CYBA: variants seen among roughly 807,000 people sequenced by gnomAD.
CYBA encodes cytochrome b-245 alpha chain.
A neutral mutation model predicts 20.8 loss-of-function variants in CYBA; 21 were observed. That is an observed-to-expected ratio of 1.01 (90% confidence interval 0.72 to 1.46). CYBA has a LOEUF of 1.46. CYBA is among the 40% of genes most tolerant of loss of function. The pLI is 0.00. For synonymous variants in CYBA, 164 were observed against 127.5 expected (o/e 1.29, Z -1.93); for missense variants, 344 against 287.0 (o/e 1.20, Z -1.43).
intron 1 of CYBA, among the ~76,000 whole-genome samples, chr16:88,649,148 A>G (rs556294117): frequency 3.4e-4 from 51 of 151,196 alleles, no homozygotes; most frequent in African/African-American, 8.0e-4. Flanking sequence ...TGTGTTAGCC[A>G]GGATGGTCTC....
chr16:88,646,074 G>A (rs1239732546), intron 5 of CYBA, 42 bp downstream of exon 5: 4 of 1,496,954 alleles, frequency 2.7e-6, no homozygotes, highest in African/African-American at 1.4e-5. Context: ...CAGGGGCTGG[G>A]GATGGGGGTG....
Position 88,646,739 on chromosome 16 carries a change from C to CG in CYBA, c.287+15dup. On this transcript the variant is annotated intron_variant, in intron 4 of 5. Transcript: ENST00000261623. Reference sequence around the variant, plus strand: ...GCCCTCCTGAGCCCTAGAGGGGGTGCGGGACGGGGACTCACAGGAGATGCA... The same window carrying CG: ...GCCCTCCTGAGCCCTAGAGGGGGTGCGGGGACGGGGACTCACAGGAGATGCA... The CG allele has an allele frequency of 6.2e-7, 1 of 1,609,438 alleles. No homozygotes were observed. The highest frequency in any genetic ancestry group is 8.5e-7 in the Non-Finnish European group (1 of 1,176,196).
At chr16:88,645,315 A>G (rs1433564327) in intron 5 of CYBA, 1 of 702,436 alleles carries the variant, frequency 1.4e-6, no homozygotes, top group Admixed American at 2.0e-5. Context: ...ACAGAACTCC[A>G]CTTCCATACG....
At chr16:88,646,271 G>C in intron 4 of CYBA, 74 bp from the exon 5 acceptor site, 2 of 595,210 alleles carry the variant, frequency 3.4e-6, no homozygotes, top group Non-Finnish European at 4.3e-6. Flanking sequence ...AGGTCTGGGG[G>C]CCAAGGCCAC....
chr16:88,645,008 T>C, intron 5 of CYBA: 2 of 614,826 alleles, frequency 3.3e-6, no homozygotes, highest in Non-Finnish European at 5.8e-6. Context: ...GAAAGCCTAG[T>C]GCATGGTGGG....
rs1466430673 is a variant in CYBA at position 88,643,610 on chromosome 16, C to T, written c.370-39G>A. 2.0e-6 allele frequency: 3 copies of T among 1,498,636 alleles called. No individual in the cohort carries two copies. Among genetic ancestry groups the T allele is most frequent in the South Asian group, 1.2e-5 (1 of 83,146 alleles). The allele number at this position is 1,498,636 out of a possible 1,614,324, so 92.8% of individuals were successfully genotyped here. On this transcript the variant is annotated intron_variant, in intron 5 of 5. Transcript: ENST00000261623. This position sits in a 1 kb window ranked among gnomAD's most constrained non-coding sequence, Gnocchi z 4.3. ...AAGGGTTGAGCCGCGCCCCAGCGCC[C>T]GCCCTCCCTCCCTCCCTCCCTCCCC... is the stretch of plus-strand genomic sequence containing the variant.
Position 88,643,444 on chromosome 16 carries a change from T to A in CYBA, c.497A>T (p.Lys166Met). Reference protein sequence around the residue: ...PPRPPAEARKKPSEEEAAVAA... With the variant: ...PPRPPAEARKMPSEEEAAVAA... ...CACCGCAGCCTCCTCCTCGCTGGGC[T>A]TCTTGCGGGCCTCGGCCGGGGGCCG... The change falls in exon 6 of 6, where the codon AAG (lysine) becomes ATG (methionine). Residue 166 changes from lysine to methionine, a missense_variant. Physicochemically the swap from Lys to Met is moderately conservative, Grantham distance 95 (BLOSUM62 -1). Coordinates refer to ENST00000261623, the MANE Select transcript of CYBA (RefSeq NM_000101.4). This position sits in a 1 kb window ranked among gnomAD's most constrained non-coding sequence, Gnocchi z 4.3. 1 of 1,534,854 alleles carries A rather than the reference T, an allele frequency of 6.5e-7. No homozygotes were observed.
intron 5 of CYBA, among the ~76,000 whole-genome samples, chr16:88,644,114 G>A (rs1018049685): frequency 1.8e-4 from 28 of 152,226 alleles, no homozygotes; most frequent in Admixed American, 9.2e-4. Flanking sequence ...CATGCCCGGA[G>A]GTTCCACTGC....
rs369139563 is a variant in CYBA at position 88,645,863 on chromosome 16, T to G, written c.369+253A>C. ...TTTGTCTGTAAAGTGGGGACCCCAG[T>G]ACCCCTCCCAGGGCTGTGGTGCGGG... On this transcript the variant is annotated intron_variant, in intron 5 of 5. Coordinates refer to ENST00000261623, the MANE Select transcript of CYBA (RefSeq NM_000101.4). The G allele has an allele frequency of 2.2e-4, 125 of 579,068 alleles. 1 individual carries two copies. Among genetic ancestry groups the G allele is most frequent in the African/African-American group, 2.1e-3 (114 of 53,612 alleles). 35.9% of individuals were successfully genotyped at this position (579,068 alleles called of 1,614,324 possible). A position where few individuals can be genotyped will look rare whatever the true frequency, so the allele number is the denominator to read the frequency against.
chr16:88,648,078 C>T lies in CYBA; in HGVS notation c.95G>A (p.Arg32His), dbSNP rs368862873. Residue 32 changes from arginine (R) to histidine (H), a missense_variant, in exon 2 of 6, where the codon CGC becomes CAC. Arg to His is a conservative substitution (Grantham distance 29). Transcript: ENST00000261623. ...ITGGIVATAG[R>H]FTQWYFGAYS... is the part of the protein sequence containing the mutation. ...GGCACCAAAGTACCACTGGGTGAAG[C>T]GCCCAGCTGTGGCCACGATGCCCCC... 1.1e-5 allele frequency: 18 copies of T among 1,612,990 alleles called. No homozygotes were observed. The highest frequency in any genetic ancestry group is 1.1e-4 in the East Asian group (5 of 44,856).
At chr16:88,644,826 A>C (rs1274428872) in intron 5 of CYBA, 3 of 309,294 alleles carry the variant, frequency 9.7e-6, no homozygotes. Context: ...CTCCATCTCA[A>C]AAAAAAAAGA....
intron 1 of CYBA, chr16:88,650,597 A>G: frequency 1.9e-6 from 1 of 513,554 alleles, no homozygotes; most frequent in South Asian, 1.6e-5. Context: ...CCCAGGCCGG[A>G]GCCCCCACTC....
At chr16:88,650,535 A>G (rs1446486246) in intron 1 of CYBA, 2 of 480,338 alleles carry the variant, frequency 4.2e-6, no homozygotes, top group South Asian at 3.1e-5. Flanking sequence ...GCCCAGGGAG[A>G]GCGACCTCCA....
At chr16:88,647,308 G>T (rs1026196972) in intron 2 of CYBA, 133 bp from the exon 3 acceptor site, 10 of 824,144 alleles carry the variant, frequency 1.2e-5, no homozygotes, top group Non-Finnish European at 1.8e-5. Flanking sequence ...TTGGGAGGCT[G>T]AGGCGGGAGG....
intron 4 of CYBA, chr16:88,646,453 C>A: frequency 1.5e-6 from 1 of 673,798 alleles, no homozygotes; most frequent in Non-Finnish European, 2.7e-6. Flanking sequence ...AACCAGCAGA[C>A]ACACAGCACG....
chr16:88,647,707 G>A (rs1907340221), intron 2 of CYBA: 8 of 442,284 alleles, frequency 1.8e-5, no homozygotes, highest in South Asian at 1.5e-4. Context: ...GGGCAGAGGA[G>A]GTAGAGGGGC....
intron 2 of CYBA, chr16:88,647,672 C>CCGGCTGGG (rs1422222882): frequency 1.5e-5 from 6 of 393,808 alleles, no homozygotes; most frequent in Non-Finnish European, 2.4e-5. Context: ...GTCGCAAGGT[C>CCGGCTGGG]CGGCTGGGCG....
At chr16:88,647,859 T>C in intron 2 of CYBA, 186 bp downstream of exon 2, 3 of 649,434 alleles carry the variant, frequency 4.6e-6, no homozygotes, top group Non-Finnish European at 8.3e-6. Flanking sequence ...CTGCCGCTGA[T>C]CGCCACATGG....
chr16:88,646,033 C>G (rs1323640596), intron 5 of CYBA, 83 bp downstream of exon 5: 1 of 1,201,008 alleles, frequency 8.3e-7, no homozygotes, highest in Non-Finnish European at 1.2e-6. Flanking sequence ...GAGCCGGCTT[C>G]AAGGGCCATG....
Sources: allele counts gnomAD v4.1 joint callset (sites outside exome capture counted in the v4.1 genomes callset), GRCh38; gene constraint gnomAD v4.1.1; non-coding constraint Gnocchi (gnomAD v3.1); transcripts MANE v1.5; gene names NCBI Gene and HGNC (gene_info 2026-07-23, HGNC 2026-07-21).